Variants in TRIM16 observed in about 807,000 individuals in gnomAD.
The protein encoded by TRIM16 is tripartite motif containing 16.
A neutral mutation model predicts 50.4 loss-of-function variants in TRIM16; 33 were observed. The ratio of observed to expected loss-of-function variants is 0.65; its 90% CI spans 0.50 to 0.88. The LOEUF is 0.88. TRIM16 is among the 40% of genes least tolerant of loss of function. The pLI is 0.00. For synonymous variants in TRIM16, 229 were observed against 270.7 expected (o/e 0.85, Z 1.51); for missense variants, 581 against 686.8 (o/e 0.85, Z 1.72).
At chr17:15,661,209 C>G (rs1227275325) in intron 6 of TRIM16, among the ~76,000 whole-genome samples, 1 of 152,182 alleles carries the variant, frequency 6.6e-6, no homozygotes. Flanking sequence ...AATAAACTTA[C>G]AACAACCTTA....
At chr17:15,650,733 G>T (rs967438977) in intron 7 of TRIM16, among the ~76,000 whole-genome samples, 1 of 152,030 alleles carries the variant, frequency 6.6e-6, no homozygotes, top group African/African-American at 2.4e-5. Context: ...CCAGCCACAG[G>T]GACATATCAC....
intron 6 of TRIM16, among the ~76,000 whole-genome samples, chr17:15,666,957 C>T (rs1988525129): frequency 6.6e-6 from 1 of 152,196 alleles, no homozygotes; most frequent in South Asian, 2.1e-4. Context: ...TTTATTCAGT[C>T]TAATAATCTC....
chr17:15,653,107 G>A (rs1177180612), intron 6 of TRIM16, among the ~76,000 whole-genome samples: 7 of 152,088 alleles, frequency 4.6e-5, no homozygotes, highest in East Asian at 3.9e-4. Flanking sequence ...TGATGAGTGA[G>A]TTCTCGTTCT....
intron 6 of TRIM16, among the ~76,000 whole-genome samples, chr17:15,672,194 TAA>T (rs527465641): frequency 1.6e-3 from 241 of 151,866 alleles, no homozygotes; most frequent in African/African-American, 5.7e-3. Flanking sequence ...TTTTAACATA[TAA>T]GTTAGAAAAT....
In TRIM16 at chr17:15,628,325, C is replaced by T; in HGVS notation, c.*290G>A. On this transcript the variant is annotated 3_prime_UTR_variant, in exon 12 of 12. Coordinates refer to ENST00000649191, the MANE Select transcript of TRIM16 (RefSeq NM_001348119.1). ...TCGGGAGGCTGAGGCAGGAGAATTG[C>T]TTGAACTCGGGAGGCGGAGCTTGCA... The T allele has an allele frequency of 3.7e-6, 1 of 271,468 alleles. No individual in the cohort carries two copies. 16.8% of individuals were successfully genotyped at this position (271,468 alleles called of 1,614,324 possible). A position where few individuals can be genotyped will look rare whatever the true frequency, so the allele number is the denominator to read the frequency against.
At chr17:15,681,543 C>A (rs1369924562) in intron 3 of TRIM16, among the ~76,000 whole-genome samples, 1 of 152,232 alleles carries the variant, frequency 6.6e-6, no homozygotes, top group Non-Finnish European at 1.5e-5. Flanking sequence ...ACTTGGCAGA[C>A]AGCAGTCCCT....
At chr17:15,636,311 G>T in intron 8 of TRIM16, 42 bp from the exon 9 acceptor site, 1 of 1,594,172 alleles carries the variant, frequency 6.3e-7, no homozygotes, top group Non-Finnish European at 8.6e-7. Flanking sequence ...ACATTTCTTA[G>T]TGAGGCATCC....
At chr17:15,658,602 C>T (rs1339895879) in intron 6 of TRIM16, among the ~76,000 whole-genome samples, 1 of 152,188 alleles carries the variant, frequency 6.6e-6, no homozygotes, top group Non-Finnish European at 1.5e-5. Context: ...GTCCTTCCTC[C>T]TTTTCTGGAA....
chr17:15,634,252 C>T (rs1986597741), intron 9 of TRIM16, among the ~76,000 whole-genome samples: 1 of 147,334 alleles, frequency 6.8e-6, no homozygotes, highest in South Asian at 2.2e-4. Context: ...TGGCGTGAAC[C>T]CAGGAGGTGG....
intron 11 of TRIM16, among the ~76,000 whole-genome samples, chr17:15,630,837 AT>A (rs1019564644): frequency 7.3e-5 from 11 of 150,288 alleles, no homozygotes; most frequent in Non-Finnish European, 1.6e-4. Context: ...ATACATACAT[AT>A]ATATATGTCT....
At position 15,680,904 on chromosome 17, in the gene TRIM16, C is replaced by T; in HGVS notation, c.-629G>A. ...TCCGGCAAAGAGCAGCCATATTTTC[C>T]TTCTTAAGATACCCCTTTTGGGAAA... On this transcript the variant is annotated 5_prime_UTR_variant, in exon 4 of 12. Coordinates refer to ENST00000649191, the MANE Select transcript of TRIM16 (RefSeq NM_001348119.1). The T allele has an allele frequency of 6.5e-7, 1 of 1,546,850 alleles. No individual in the cohort carries two copies. Among genetic ancestry groups the T allele is most frequent in the Non-Finnish European group, 8.7e-7 (1 of 1,146,102 alleles).
At chr17:15,630,658 A>AT (rs1390993314) in intron 11 of TRIM16, among the ~76,000 whole-genome samples, 3 of 148,626 alleles carry the variant, frequency 2.0e-5, no homozygotes, top group Non-Finnish European at 4.5e-5. Context: ...TTGTTTAAAA[A>AT]TTTTTTTTTT....
At chr17:15,653,830 C>G (rs567578896) in intron 6 of TRIM16, among the ~76,000 whole-genome samples, 1 of 152,142 alleles carries the variant, frequency 6.6e-6, no homozygotes, top group Non-Finnish European at 1.5e-5. Flanking sequence ...GACCCCTGGA[C>G]GGGGGTACAC....
intron 8 of TRIM16, among the ~76,000 whole-genome samples, chr17:15,641,015 G>A (rs1434175679): frequency 6.7e-6 from 1 of 148,250 alleles, no homozygotes; most frequent in African/African-American, 2.5e-5. Flanking sequence ...CTAAGAGGAT[G>A]AGACTAAAGA....
chr17:15,648,536 GT>G (rs1411951630), intron 7 of TRIM16, among the ~76,000 whole-genome samples: 1 of 152,182 alleles, frequency 6.6e-6, no homozygotes, highest in Middle Eastern at 3.2e-3. Flanking sequence ...TGACCCTGCT[GT>G]TTGCAGTTTC....
At chr17:15,630,733 C>A (rs1000618669) in intron 11 of TRIM16, among the ~76,000 whole-genome samples, 36 of 150,684 alleles carry the variant, frequency 2.4e-4, no homozygotes, top group Non-Finnish European at 1.9e-4. Context: ...GGGAGGAGGA[C>A]TGCTTGAGTG....
intron 9 of TRIM16, 111 bp from the exon 10 acceptor site, chr17:15,632,785 G>A: frequency 3.8e-6 from 5 of 1,303,180 alleles, no homozygotes; most frequent in Non-Finnish European, 5.1e-6. Flanking sequence ...ACGGTAATGT[G>A]TCCTTCACAA....
chr17:15,676,457 T>C (rs941193549), intron 6 of TRIM16, among the ~76,000 whole-genome samples: 2 of 142,662 alleles, frequency 1.4e-5, no homozygotes, highest in Non-Finnish European at 3.0e-5. Flanking sequence ...TTTCTTGAGA[T>C]GGAGTCTCGC....
At chr17:15,663,115 G>T (rs1358017322) in intron 6 of TRIM16, among the ~76,000 whole-genome samples, 1 of 152,072 alleles carries the variant, frequency 6.6e-6, no homozygotes, top group Non-Finnish European at 1.5e-5. Context: ...TACCCCCTCA[G>T]GAACTGGCAT....
Sources: allele counts gnomAD v4.1 joint callset (sites outside exome capture counted in the v4.1 genomes callset), GRCh38; gene constraint gnomAD v4.1.1; transcripts MANE v1.5; gene names NCBI Gene and HGNC (gene_info 2026-07-23, HGNC 2026-07-21).